The following ACOXL variants were observed in gnomAD, a reference collection of about 807,000 sequenced individuals.
The protein encoded by ACOXL is acyl-CoA oxidase like.
In ACOXL, 70 loss-of-function variants were observed where a neutral mutation model predicts 71.9. The observed-to-expected ratio is 0.97, with a 90% confidence interval of 0.80 to 1.19. The LOEUF is 1.19. Ranked by LOEUF, ACOXL falls within the 50% of genes most tolerant of loss-of-function variation. The pLI is 0.00. For synonymous variants in ACOXL, 253 were observed against 281.6 expected, an observed-to-expected ratio of 0.90 and a Z score of 1.02; for missense variants, 703 against 736.3, an observed-to-expected ratio of 0.95 and a Z score of 0.52.
intron 6 of ACOXL, 32 bp downstream of exon 6, chr2:110,798,756 T>G: frequency 6.3e-7 from 1 of 1,579,638 alleles, no homozygotes; most frequent in Non-Finnish European, 8.7e-7. Context: ...CTAGAATAAT[T>G]CTCTTCATTA....
At chr2:110,995,305 G>T (rs2149589212) in intron 13 of ACOXL, among the ~76,000 whole-genome samples, 1 of 151,218 alleles carries the variant, frequency 6.6e-6, no homozygotes, top group African/African-American at 2.4e-5. Context: ...TTCAAGACCA[G>T]CCTGGCCAAT....
chr2:111,050,598 C>G (rs71431134), intron 16 of ACOXL, among the ~76,000 whole-genome samples: 10,919 of 152,206 alleles, frequency 0.072, 556 homozygotes, highest in Non-Finnish European at 0.11. Flanking sequence ...TTTCTCCTAC[C>G]ATTTGCTTCT....
At chr2:111,089,305 A>G (rs2068395907) in intron 16 of ACOXL, among the ~76,000 whole-genome samples, 1 of 147,012 alleles carries the variant, frequency 6.8e-6, no homozygotes, top group African/African-American at 2.4e-5. Context: ...TCAAAAACAA[A>G]CAAACAAACA....
chr2:110,747,537 CTA>C (rs1464879127), intron 1 of ACOXL, among the ~76,000 whole-genome samples: 1 of 152,198 alleles, frequency 6.6e-6, no homozygotes, highest in Non-Finnish European at 1.5e-5. Context: ...TAAATTCACA[CTA>C]TAAAAATAAC....
rs1327142044 is a variant in ACOXL at position 110,943,279 on chromosome 2, AAAG to A, written c.1059+9641_1059+9643del. On this transcript the variant is annotated intron_variant, in intron 12 of 17. Coordinates refer to ENST00000439055, the MANE Select transcript of ACOXL (RefSeq NM_001142807.4). ...AAAGAAAGGAGGGAGGGAGGGAAAG[AAAG>A]AAGGAAGGAAGGAGAAAGAAGAGAG... is the stretch of plus-strand genomic sequence containing the variant. Among the ~76,000 whole-genome samples the A allele has an allele frequency of 1.4e-4, 21 of 151,488 alleles. 1 individual carries two copies. The South Asian group carries it at 1.7e-3, about 12-fold the overall frequency.
chr2:110,765,519 T>A (rs908067426), intron 1 of ACOXL, among the ~76,000 whole-genome samples: 2 of 152,214 alleles, frequency 1.3e-5, no homozygotes, highest in African/African-American at 4.8e-5. Context: ...TTCTATTGAT[T>A]TGTGTTCTAG....
At chr2:111,075,383 T>A (rs2067550141) in intron 16 of ACOXL, among the ~76,000 whole-genome samples, 1 of 152,152 alleles carries the variant, frequency 6.6e-6, no homozygotes, top group African/African-American at 2.4e-5. Context: ...GTAAGGTTGT[T>A]CATAGTGTTT....
At chr2:110,897,749 C>T (rs555696605) in intron 10 of ACOXL, among the ~76,000 whole-genome samples, 10 of 150,384 alleles carry the variant, frequency 6.6e-5, no homozygotes, top group African/African-American at 2.4e-4. Flanking sequence ...TAAAGACAAG[C>T]GCAGAAATCA....
chr2:111,067,812 C>G (rs932829123), intron 16 of ACOXL, among the ~76,000 whole-genome samples: 13 of 152,268 alleles, frequency 8.5e-5, no homozygotes, highest in South Asian at 2.1e-4. Flanking sequence ...TGTTATATGC[C>G]AGGGCCTTGG....
intron 12 of ACOXL, among the ~76,000 whole-genome samples, chr2:110,936,481 C>G (rs968314117): frequency 6.6e-6 from 1 of 150,636 alleles, no homozygotes; most frequent in Non-Finnish European, 1.5e-5. Context: ...AGGCTGGTTT[C>G]AAACTCCTGG....
chr2:110,915,407 CATAT>C (rs776643074), intron 11 of ACOXL, among the ~76,000 whole-genome samples: 13 of 60,900 alleles, frequency 2.1e-4, no homozygotes, highest in African/African-American at 4.9e-4. Flanking sequence ...TGTGTATATA[CATAT>C]ATATATATAT....
At chr2:111,111,924 A>G (rs1340997628) in intron 17 of ACOXL, among the ~76,000 whole-genome samples, 1 of 152,204 alleles carries the variant, frequency 6.6e-6, no homozygotes, top group Non-Finnish European at 1.5e-5. Flanking sequence ...CAAAGTGGAC[A>G]TTGTCAAAAT....
intron 9 of ACOXL, among the ~76,000 whole-genome samples, chr2:110,840,898 C>T (rs1216778794): frequency 6.6e-6 from 1 of 152,164 alleles, no homozygotes; most frequent in Non-Finnish European, 1.5e-5. Flanking sequence ...GCCCAGGTGG[C>T]CTGGGCTCCA....
At chr2:110,963,771 A>G in intron 12 of ACOXL, 2 of 1,598,972 alleles carry the variant, frequency 1.3e-6, no homozygotes, top group African/African-American at 1.3e-5. Flanking sequence ...GAAGTGTTTC[A>G]TATATTTTAT....
intron 16 of ACOXL, among the ~76,000 whole-genome samples, chr2:111,068,323 A>C (rs1347097410): frequency 6.6e-6 from 1 of 152,140 alleles, no homozygotes; most frequent in Non-Finnish European, 1.5e-5. Flanking sequence ...ACCTGGGGGT[A>C]TGGTGGGGCT....
At chr2:110,897,963 C>T (rs532235998) in intron 10 of ACOXL, among the ~76,000 whole-genome samples, 23 of 151,444 alleles carry the variant, frequency 1.5e-4, no homozygotes, top group African/African-American at 5.5e-4. Flanking sequence ...ATACTAGGAA[C>T]AACTCTGTAA....
rs192550998 is a variant in ACOXL, at chr2:110,945,404, A to T, written c.1059+11762A>T. Among the ~76,000 whole-genome samples, 304 of 145,642 alleles carry T rather than the reference A, an allele frequency of 2.1e-3. 1 individual carries two copies. Among genetic ancestry groups the T allele is most frequent in the Admixed American group, 4.8e-3 (69 of 14,288 alleles). ...TTACAATTGCTTTGGCATCTTTGTC[A>T]TGAAATCTGTGCCAAGGCCTATGTC... On this transcript the variant is annotated intron_variant, in intron 12 of 17. Coordinates refer to ENST00000439055, the MANE Select transcript of ACOXL (RefSeq NM_001142807.4).
intron 9 of ACOXL, among the ~76,000 whole-genome samples, chr2:110,812,908 G>A (rs1395335865): frequency 6.6e-6 from 1 of 152,184 alleles, no homozygotes; most frequent in African/African-American, 2.4e-5. Flanking sequence ...GGTGCTGTGT[G>A]GAGCCTCTGT....
intron 17 of ACOXL, chr2:111,100,010 AC>A (rs1406386094): frequency 1.3e-5 from 2 of 152,214 alleles, no homozygotes; most frequent in African/African-American, 4.8e-5. Flanking sequence ...GACTGAAGTT[AC>A]AGTAGCCTTA....
Sources: allele counts gnomAD v4.1 joint callset (sites outside exome capture counted in the v4.1 genomes callset), GRCh38; gene constraint gnomAD v4.1.1; transcripts MANE v1.5; gene names NCBI Gene and HGNC (gene_info 2026-07-23, HGNC 2026-07-21).